NTNG2: variants seen among roughly 807,000 people sequenced by gnomAD.
NTNG2 encodes the protein netrin-G2.
Under a neutral mutation model 47.6 loss-of-function variants are expected in NTNG2, and 15 were observed. The ratio of observed to expected loss-of-function variants is 0.32; its 90% confidence interval spans 0.21 to 0.49. The LOEUF is 0.49. Among genes scored for constraint, NTNG2 ranks in the 20% least tolerant of loss-of-function variants. NTNG2 has a pLI of 0.99. For missense variants in NTNG2, 578 were observed against 764.6 expected (o/e 0.76, Z 2.88); for synonymous variants, 307 against 324.6 (o/e 0.95, Z 0.58).
intron 2 of NTNG2, among the ~76,000 whole-genome samples, chr9:132,171,088 C>T (rs866784859): frequency 3.3e-5 from 5 of 152,126 alleles, no homozygotes; most frequent in Non-Finnish European, 5.9e-5. Flanking sequence ...CAGATGCGGG[C>T]CTTGCTTGCC....
chr9:132,217,465 G>A (rs1372793485), intron 3 of NTNG2, among the ~76,000 whole-genome samples: 1 of 152,174 alleles, frequency 6.6e-6, no homozygotes, highest in Admixed American at 6.5e-5. Flanking sequence ...CTAAAGTGGG[G>A]TTCACCAGCT....
intron 2 of NTNG2, among the ~76,000 whole-genome samples, chr9:132,176,797 C>T (rs980477900): frequency 3.9e-5 from 6 of 152,170 alleles, no homozygotes; most frequent in African/African-American, 1.2e-4. Flanking sequence ...GCACCTCTTA[C>T]GTTCCCACCA....
At chr9:132,170,572 G>T (rs1023382944) in intron 2 of NTNG2, among the ~76,000 whole-genome samples, 6 of 152,212 alleles carry the variant, frequency 3.9e-5, no homozygotes, top group African/African-American at 1.4e-4. Flanking sequence ...GGCATTGGGA[G>T]GTGCCCCTTA....
At chr9:132,194,647 C>A (rs540605895) in intron 2 of NTNG2, among the ~76,000 whole-genome samples, 7 of 152,248 alleles carry the variant, frequency 4.6e-5, no homozygotes, top group Non-Finnish European at 1.0e-4. Context: ...CTGGCCCGGG[C>A]CTCAGTCCCC....
rs370292436 is a variant in NTNG2, at chr9:132,227,955, A to G, written c.1030+934A>G. On this transcript the variant is annotated intron_variant, in intron 4 of 7. Coordinates refer to ENST00000393229, the MANE Select transcript of NTNG2 (RefSeq NM_032536.4). ...TGTGGTTGGTGTCCGAGGCCCTCCT[A>G]GGCACTTTGTGCATCTCGCTTCACC... Among the ~76,000 whole-genome samples the G allele has an allele frequency of 3.9e-5, 6 of 152,264 alleles. No individual in the cohort carries two copies. The East Asian group carries it at 9.7e-4, about 25-fold the overall frequency.
At chr9:132,241,823 G>T in intron 7 of NTNG2, 53 bp from the exon 8 acceptor site, 2 of 1,364,788 alleles carry the variant, frequency 1.5e-6, no homozygotes, top group Non-Finnish European at 2.0e-6. Flanking sequence ...GAGCTCGGAG[G>T]TTGGCGGGGG....
Position 132,239,239 on chromosome 9 carries a change from C to T in NTNG2, c.1190C>T (p.Ser397Leu), listed in dbSNP as rs1158298049. Residue 397 changes from serine to leucine, a missense_variant, in exon 6 of 8, where the codon TCG (serine) becomes TTG (leucine). Ser to Leu is a moderately radical substitution (Grantham distance 145). Transcript: ENST00000393229. Reference sequence around the variant, plus strand: ...CGGCTGGGCTACTACCGCAACGGCTCGGCAGAGCTGGATGATGAGAACGTC... The same window carrying T: ...CGGCTGGGCTACTACCGCAACGGCTTGGCAGAGCTGGATGATGAGAACGTC... ...HCRLGYYRNGSAELDDENVCI... is the reference protein window; with the variant it reads ...HCRLGYYRNGLAELDDENVCI... The T allele has an allele frequency of 2.5e-6, 4 of 1,613,668 alleles. No individual in the cohort carries two copies. Among genetic ancestry groups the T allele is most frequent in the African/African-American group, 1.3e-5 (1 of 75,050 alleles).
At chr9:132,213,397 A>G (rs1374687239) in intron 3 of NTNG2, among the ~76,000 whole-genome samples, 2 of 150,388 alleles carry the variant, frequency 1.3e-5, no homozygotes. Flanking sequence ...GCCATCACCA[A>G]CCTTGAGGCC....
At chr9:132,195,685 C>G (rs1440526126) in intron 2 of NTNG2, among the ~76,000 whole-genome samples, 1 of 151,822 alleles carries the variant, frequency 6.6e-6, no homozygotes, top group African/African-American at 2.4e-5. Context: ...GGCTACAGTG[C>G]AGTGGTGCTG....
chr9:132,215,545 A>G lies in NTNG2; in HGVS notation c.858-11304A>G, dbSNP rs1300537984. Among the ~76,000 whole-genome samples the G allele has an allele frequency of 6.6e-6, 1 of 152,120 alleles. No individual in the cohort carries two copies. Among genetic ancestry groups the G allele is most frequent in the Non-Finnish European group, 1.5e-5 (1 of 68,026 alleles). ...AAGTGAGCCAAGATCGAACCACTGC[A>G]CTCCGGTCTAGATGACAAAGCGAGA... On this transcript the variant is annotated intron_variant, in intron 3 of 7. Coordinates refer to ENST00000393229, the MANE Select transcript of NTNG2 (RefSeq NM_032536.4). This position sits in a 1 kb window ranked among gnomAD's most constrained non-coding sequence, Gnocchi z 4.2.
rs570145680 is a variant in NTNG2 at position 132,216,460 on chromosome 9, G to C, written c.858-10389G>C. On this transcript the variant is annotated intron_variant, in intron 3 of 7. Transcript: ENST00000393229. ...TGTGTGTGTGTGTGTGTGTGTGTGT[G>C]TGTGTGTGTCCCATGGAGCGTTCTT... Among the ~76,000 whole-genome samples, 5 of 140,900 alleles carry C rather than the reference G, an allele frequency of 3.5e-5. No homozygotes were observed. In the East Asian group the frequency reaches 1.0e-3, roughly 30 times the overall value. The allele number at this position is 140,900 out of a possible 152,430, so 92.4% of individuals were successfully genotyped here.
Position 132,228,465 on chromosome 9 carries a change from C to T in NTNG2, c.1030+1444C>T, listed in dbSNP as rs1840956226. ...TCTCTTTAGTGGCCGTCACTCTCTC[C>T]CTGACTCACAAATTTGCTGCCCTTT... On this transcript the variant is annotated intron_variant, in intron 4 of 7. Transcript: ENST00000393229. Among the ~76,000 whole-genome samples, 4 of 152,286 alleles carry T rather than the reference C, an allele frequency of 2.6e-5. No individual in the cohort carries two copies. The South Asian group carries it at 8.3e-4, about 32-fold the overall frequency.
rs544602014 is a variant in NTNG2, at chr9:132,243,938, C to T, written c.*1827C>T. 8 of 152,550 alleles carry T rather than the reference C, an allele frequency of 5.2e-5. No individual in the cohort carries two copies. The highest frequency in any genetic ancestry group is 4.6e-4 in the Admixed American group (7 of 15,292). 9.4% of individuals were successfully genotyped at this position (152,550 alleles called of 1,614,324 possible). On this transcript the variant is annotated 3_prime_UTR_variant, in exon 8 of 8. Transcript: ENST00000393229. ...GCCCTGCATCCTCCTGCAGCTGGCCCATCTCTACCCTCACATTCTTCCTTA... is the reference window on the plus strand; with the variant it reads ...GCCCTGCATCCTCCTGCAGCTGGCCTATCTCTACCCTCACATTCTTCCTTA...
chr9:132,188,834 C>T (rs561018212), intron 2 of NTNG2, among the ~76,000 whole-genome samples: 40 of 152,230 alleles, frequency 2.6e-4, no homozygotes, highest in African/African-American at 8.9e-4. Context: ...TTTCCCGAGT[C>T]CCTGAGGAGG....
chr9:132,201,870 C>A (rs536423977), intron 3 of NTNG2, among the ~76,000 whole-genome samples: 6 of 152,302 alleles, frequency 3.9e-5, no homozygotes, highest in African/African-American at 1.4e-4. Flanking sequence ...TCCCCACCCC[C>A]TGGAGCGCTC....
chr9:132,189,787 G>A lies in NTNG2; in HGVS notation c.214-8179G>A, dbSNP rs112243150. Among the ~76,000 whole-genome samples, 5 of 151,946 alleles carry A rather than the reference G, an allele frequency of 3.3e-5. 1 individual carries two copies. Among genetic ancestry groups the A allele is most frequent in the African/African-American group, 7.2e-5 (3 of 41,506 alleles). On this transcript the variant is annotated intron_variant, in intron 2 of 7. Transcript: ENST00000393229. Reference sequence around the variant, plus strand: ...CCTGAGTAGCTGGGACTACAGGCACGAAACGCTATGCCCAACTAATTATTT... The same window carrying A: ...CCTGAGTAGCTGGGACTACAGGCACAAAACGCTATGCCCAACTAATTATTT...
Position 132,203,045 on chromosome 9 carries a change from G to T in NTNG2, c.857+4436G>T, listed in dbSNP as rs184673072. On this transcript the variant is annotated intron_variant, in intron 3 of 7. Transcript: ENST00000393229. ...TGGTTAGACGGTGGGAGAGGGAAGT[G>T]GGGGAGGCTTGGGGTCAGGGCTGCC... Among the ~76,000 whole-genome samples, 7 of 152,088 alleles carry T rather than the reference G, an allele frequency of 4.6e-5. No individual in the cohort carries two copies. The East Asian group carries it at 1.2e-3, about 25-fold the overall frequency.
rs780865062 is a variant in NTNG2 at position 132,208,823 on chromosome 9, A to AACC, written c.857+10223_857+10225dup. 1.9e-4 allele frequency among the ~76,000 whole-genome samples: 29 copies of AACC among 151,940 alleles called. No homozygotes were observed. Among genetic ancestry groups the AACC allele is most frequent in the Non-Finnish European group, 1.5e-4 (10 of 68,008 alleles). ...TTTTAGCACGTGGATAGAGTCATGC[A>AACC]ACCACCACCACAGCCTGGGCCCACA... On this transcript the variant is annotated intron_variant, in intron 3 of 7. Transcript: ENST00000393229. The surrounding 1 kb of genome is among the most constrained non-coding windows in gnomAD (Gnocchi z 4.0).
intron 2 of NTNG2, among the ~76,000 whole-genome samples, chr9:132,183,288 G>C (rs1021096966): frequency 6.6e-6 from 1 of 152,106 alleles, no homozygotes; most frequent in South Asian, 2.1e-4. Context: ...GGGCTGTCAC[G>C]GGCGCTGCTT....
Sources: allele counts gnomAD v4.1 joint callset (sites outside exome capture counted in the v4.1 genomes callset), GRCh38; gene constraint gnomAD v4.1.1; non-coding constraint Gnocchi (gnomAD v3.1); transcripts MANE v1.5; gene names NCBI Gene and HGNC (gene_info 2026-07-23, HGNC 2026-07-21).